ANKRD26: variants seen among roughly 807,000 people sequenced by gnomAD.
The protein encoded by ANKRD26 is ankyrin repeat domain-containing protein 26.
A neutral mutation model predicts 208.7 loss-of-function variants in ANKRD26; 141 were observed. The observed-to-expected ratio is 0.68, with a 90% CI of 0.59 to 0.78. The LOEUF (loss-of-function observed/expected upper bound fraction) is 0.78. Ranked by LOEUF, ANKRD26 falls within the 30% of genes least tolerant of loss-of-function variation. The pLI, the probability that ANKRD26 is intolerant of heterozygous loss-of-function variation, is 0.00. For synonymous variants in ANKRD26, 636 were observed against 660.4 expected (o/e 0.96, Z 0.57); for missense variants, 1,889 against 1,938.7 (o/e 0.97, Z 0.48).
At chr10:26,970,730 G>C (rs2052130513), downstream of ANKRD26, among the ~76,000 whole-genome samples, 1 of 152,130 alleles carries the variant, frequency 6.6e-6, no homozygotes, top group African/African-American at 2.4e-5. Flanking sequence ...TGGAATTACT[G>C]GATCAAGTAT....
chr10:27,060,121 T>C (rs1307029199), intron 15 of ANKRD26, among the ~76,000 whole-genome samples: 1 of 144,814 alleles, frequency 6.9e-6, no homozygotes, highest in Non-Finnish European at 1.5e-5. Flanking sequence ...GAGAATCACT[T>C]GAACCTGGGA....
intron 33 of ANKRD26, among the ~76,000 whole-genome samples, chr10:27,006,560 A>T (rs2134802219): frequency 6.6e-6 from 1 of 152,322 alleles, no homozygotes; most frequent in Non-Finnish European, 1.5e-5. Flanking sequence ...AATCACCACC[A>T]TAACCTTGAG....
rs1259867133 is a variant in ANKRD26 at position 27,082,731 on chromosome 10, G to GAGT, written c.740+69_740+71dup. The GAGT allele has an allele frequency of 2.1e-5, 32 of 1,517,474 alleles. No homozygotes were observed. In the Middle Eastern group the frequency reaches 5.8e-4, roughly 27 times the overall value. 94.0% of individuals were successfully genotyped at this position (1,517,474 alleles called of 1,614,324 possible). ...AAGCACATAATATGGTGTCTACCCAGAGTAGGGCACTCAACAGTTTCTTTT... is the reference window on the plus strand; with the variant it reads ...AAGCACATAATATGGTGTCTACCCAGAGTAGTAGGGCACTCAACAGTTTCTTTT... On this transcript the variant is annotated intron_variant, in intron 6 of 33. Transcript: ENST00000376087.
At chr10:27,078,964 C>A (rs2055802478) in intron 7 of ANKRD26, 125 bp downstream of exon 7, 1 of 697,392 alleles carries the variant, frequency 1.4e-6, no homozygotes, top group African/African-American at 1.8e-5. Context: ...AAAATGGCTT[C>A]CCCTGACCAC....
At position 26,975,402 on chromosome 10, in the gene ANKRD26, C is replaced by CT. The variant is rs60226106; in HGVS notation, c.*921dup. Among the ~76,000 whole-genome samples, 267 of 90,478 alleles carry CT rather than the reference C, an allele frequency of 3.0e-3. 5 individuals are homozygous for CT. Among genetic ancestry groups the CT allele is most frequent in the Middle Eastern group, 0.018 (2 of 110 alleles). 59.4% of individuals were successfully genotyped at this position (90,478 alleles called of 152,430 possible). A position where few individuals can be genotyped will look rare whatever the true frequency, so the allele number is the denominator to read the frequency against. On this transcript the variant is annotated 3_prime_UTR_variant and NMD_transcript_variant, in exon 6 of 6. Coordinates refer to the ANKRD26 transcript ENST00000674670. ...AGCCACCTCGCCCAGCTAATTTTTG[C>CT]TTTTTTTTTTTTTTTTTTGGTGTAG...
At chr10:27,099,718 G>A (rs1425984007) in intron 1 of ANKRD26, among the ~76,000 whole-genome samples, 3 of 152,200 alleles carry the variant, frequency 2.0e-5, no homozygotes, top group African/African-American at 7.2e-5. Flanking sequence ...TAACCCAGAA[G>A]TTGCTATATT....
chr10:27,091,010 T>C (rs1472141490), intron 4 of ANKRD26, among the ~76,000 whole-genome samples: 1 of 152,070 alleles, frequency 6.6e-6, no homozygotes, highest in Non-Finnish European at 1.5e-5. Context: ...GCAGGGGGAT[T>C]GCTTGAGCCC....
chr10:27,012,330 T>C (rs1240742087), intron 32 of ANKRD26, among the ~76,000 whole-genome samples: 1 of 152,108 alleles, frequency 6.6e-6, no homozygotes, highest in Non-Finnish European at 1.5e-5. Flanking sequence ...AATGTGACAG[T>C]TCAGTTACAT....
At chr10:27,014,369 A>G in intron 31 of ANKRD26, 125 bp downstream of exon 31, 1 of 723,600 alleles carries the variant, frequency 1.4e-6, no homozygotes, top group Non-Finnish European at 2.3e-6. Flanking sequence ...ATTTACTAAC[A>G]TTTTCCAAAA....
intron 20 of ANKRD26, among the ~76,000 whole-genome samples, chr10:27,040,928 G>T (rs554415143): frequency 6.6e-6 from 1 of 151,916 alleles, no homozygotes; most frequent in Non-Finnish European, 1.5e-5. Flanking sequence ...TACTTGGGGG[G>T]GCCGAGGCAG....
chr10:27,086,481 T>C, intron 5 of ANKRD26, 58 bp downstream of exon 5: 1 of 1,587,770 alleles, frequency 6.3e-7, no homozygotes, highest in Non-Finnish European at 8.6e-7. Context: ...ACTTCCTTAC[T>C]TTTACTTTTT....
the ANKRD26 span, among the ~76,000 whole-genome samples, chr10:26,949,804 CTTATAG>C: frequency 6.6e-6 from 1 of 152,104 alleles, no homozygotes; most frequent in African/African-American, 2.4e-5. Flanking sequence ...TGCCCAGCCT[CTTATAG>C]TTATTTTAAT....
chr10:27,016,529 G>A (rs551622786), intron 30 of ANKRD26, among the ~76,000 whole-genome samples: 46 of 150,858 alleles, frequency 3.0e-4, no homozygotes, highest in Non-Finnish European at 5.0e-4. Context: ...CGTCCACCTC[G>A]GCTTCCCAAA....
chr10:27,086,524 T>C lies in ANKRD26; in HGVS notation c.709+15A>G. The C allele has an allele frequency of 2.5e-6, 4 of 1,604,780 alleles. No individual in the cohort carries two copies. In the South Asian group the frequency reaches 3.3e-5, roughly 13 times the overall value. The stretch of plus-strand genomic sequence containing the variant: ...GGTACTATTACCAAGAGAAATTCAC[T>C]ATTGGAAGTCTTACCTGAATTACTA... On this transcript the variant is annotated intron_variant, in intron 5 of 33. Coordinates refer to ENST00000376087, the MANE Select transcript of ANKRD26 (RefSeq NM_014915.3).
downstream of ANKRD26, among the ~76,000 whole-genome samples, chr10:27,002,995 A>C (rs1451155272): frequency 6.6e-6 from 1 of 152,158 alleles, no homozygotes; most frequent in African/African-American, 2.4e-5. Context: ...TGGGGTCTTT[A>C]CTTAGAAGAT....
At chr10:27,046,967 A>C (rs2054470305) in intron 17 of ANKRD26, among the ~76,000 whole-genome samples, 1 of 152,142 alleles carries the variant, frequency 6.6e-6, no homozygotes. Context: ...CGGCATCTAG[A>C]TGTTTCCTAG....
intron 1 of ANKRD26, among the ~76,000 whole-genome samples, chr10:27,097,419 G>A (rs2056503793): frequency 6.8e-6 from 1 of 147,802 alleles, no homozygotes; most frequent in Admixed American, 6.7e-5. Flanking sequence ...CTGAGATCTG[G>A]CCACTGCACT....
At chr10:27,082,478 A>G (rs1449801391) in intron 6 of ANKRD26, among the ~76,000 whole-genome samples, 4 of 152,206 alleles carry the variant, frequency 2.6e-5, no homozygotes, top group African/African-American at 4.8e-5. Flanking sequence ...CTCTGAATTG[A>G]TCTGATTTGG....
chr10:27,059,173 C>A (rs527838735), intron 15 of ANKRD26, among the ~76,000 whole-genome samples: 24 of 152,310 alleles, frequency 1.6e-4, no homozygotes, highest in African/African-American at 5.8e-4. Flanking sequence ...TTCAGCCTCC[C>A]AAAGTGCTGG....
Sources: allele counts gnomAD v4.1 joint callset (sites outside exome capture counted in the v4.1 genomes callset), GRCh38; gene constraint gnomAD v4.1.1; transcripts MANE v1.5; gene names NCBI Gene and HGNC (gene_info 2026-07-23, HGNC 2026-07-21).